The following CYP20A1 variants were observed in gnomAD, a reference collection of about 807,000 sequenced individuals.
The protein encoded by CYP20A1 is cytochrome P450 family 20 subfamily A member 1, also known as cytochrome P450 20A1.
A neutral mutation model predicts 61.4 loss-of-function variants in CYP20A1; 61 were observed. The observed-to-expected ratio is 0.99, with a 90% CI of 0.81 to 1.23. CYP20A1 has a LOEUF of 1.23. Ranked by LOEUF, CYP20A1 falls within the 50% of genes most tolerant of loss-of-function variation. CYP20A1 has a pLI of 0.00. For synonymous variants in CYP20A1, 193 were observed against 188.2 expected, an observed-to-expected ratio of 1.03 and a Z score of -0.21; for missense variants, 530 against 542.4, an observed-to-expected ratio of 0.98 and a Z score of 0.23.
intron 11 of CYP20A1, among the ~76,000 whole-genome samples, chr2:203,294,740 T>C (rs1195429694): frequency 6.6e-6 from 1 of 150,392 alleles, no homozygotes; most frequent in Non-Finnish European, 1.5e-5. Flanking sequence ...GTTCAAGCGA[T>C]TCTCCTGCCT....
chr2:203,272,916 C>T (rs939203211), intron 6 of CYP20A1, among the ~76,000 whole-genome samples, 168 bp downstream of exon 6: 8 of 150,498 alleles, frequency 5.3e-5, no homozygotes, highest in East Asian at 3.9e-4. Flanking sequence ...GGTGCGATCT[C>T]GGCCACAGCA....
chr2:203,269,753 C>T (rs188569088), intron 5 of CYP20A1, among the ~76,000 whole-genome samples: 2 of 152,172 alleles, frequency 1.3e-5, no homozygotes, highest in Admixed American at 1.3e-4. Context: ...CTCGGCCTCC[C>T]AAAGTGCTGG....
rs1257109635 is a variant in CYP20A1, at chr2:203,276,713, G to GTGTT, written c.680-1857_680-1854dup. ...ATTTGGGGGAAAGCTCAAGAGTTCAGTGTTTGGTATGCTTCAGACAACCAA... is the reference window on the plus strand; with the variant it reads ...ATTTGGGGGAAAGCTCAAGAGTTCAGTGTTTGTTTGGTATGCTTCAGACAACCAA... On this transcript the variant is annotated intron_variant, in intron 6 of 12. Coordinates refer to ENST00000356079, the MANE Select transcript of CYP20A1 (RefSeq NM_177538.3). Among the ~76,000 whole-genome samples the GTGTT allele has an allele frequency of 2.0e-5, 3 of 152,268 alleles. No individual in the cohort carries two copies. The Middle Eastern group carries it at 0.01, about 518-fold the overall frequency.
At chr2:203,254,866 C>T (rs2066836713) in intron 4 of CYP20A1, among the ~76,000 whole-genome samples, 1 of 151,920 alleles carries the variant, frequency 6.6e-6, no homozygotes. Flanking sequence ...TGGCACGTGT[C>T]TGTAGTCCCA....
In CYP20A1 at chr2:203,303,063, C is replaced by T. The variant is rs1182533848; in HGVS notation, c.*6155C>T. On this transcript the variant is annotated 3_prime_UTR_variant, in exon 13 of 13. Transcript: ENST00000356079. ...TCACCCAGGCTGGAGTGTGGTGGCACGATCTTGGCTCACTGCAACCCCTGC... is the reference window on the plus strand; with the variant it reads ...TCACCCAGGCTGGAGTGTGGTGGCATGATCTTGGCTCACTGCAACCCCTGC... 7.0e-6 allele frequency among the ~76,000 whole-genome samples: 1 copy of T among 142,896 alleles called. No homozygotes were observed. The highest frequency in any genetic ancestry group is 1.5e-5 in the Non-Finnish European group (1 of 65,094). The allele number at this position is 142,896 out of a possible 152,430, so 93.7% of individuals were successfully genotyped here. A position where few individuals can be genotyped will look rare whatever the true frequency, so the allele number is the denominator to read the frequency against.
At chr2:203,272,551 A>AAAT in intron 5 of CYP20A1, 119 bp from the exon 6 acceptor site, 1 of 71,396 alleles carries the variant, frequency 1.4e-5, no homozygotes, top group Non-Finnish European at 1.9e-5. Flanking sequence ...ACCCTGACTC[A>AAAT]AAAAAAAAAA....
intron 8 of CYP20A1, among the ~76,000 whole-genome samples, chr2:203,284,094 G>T (rs539044312): frequency 9.2e-5 from 14 of 152,188 alleles, no homozygotes; most frequent in Non-Finnish European, 1.8e-4. Flanking sequence ...CATGTTTTTT[G>T]TGAACTCTAG....
chr2:203,283,299 C>CTCCA (rs2068121337), intron 8 of CYP20A1, among the ~76,000 whole-genome samples: 1 of 149,006 alleles, frequency 6.7e-6, no homozygotes, highest in Admixed American at 6.8e-5. Context: ...TCACTGCAAC[C>CTCCA]TCCACCTCCC....
At position 203,280,180 on chromosome 2, in the gene CYP20A1, A is replaced by G. The variant is rs2067985482; in HGVS notation, c.850+67A>G. 5.5e-6 allele frequency: 7 copies of G among 1,267,434 alleles called. No homozygotes were observed. The Admixed American group carries it at 1.5e-4, about 28-fold the overall frequency. 78.5% of individuals were successfully genotyped at this position (1,267,434 alleles called of 1,614,324 possible). A position where few individuals can be genotyped will look rare whatever the true frequency, so the allele number is the denominator to read the frequency against. ...ATATAGGCTGAGCACAGTGGCTCAC[A>G]CCTGTAATCCCAACACTTGGGGAGG... On this transcript the variant is annotated intron_variant, in intron 8 of 12. Transcript: ENST00000356079.
At chr2:203,295,534 A>T (rs2068753149) in intron 11 of CYP20A1, among the ~76,000 whole-genome samples, 2 of 152,260 alleles carry the variant, frequency 1.3e-5, no homozygotes, top group Non-Finnish European at 2.9e-5. Flanking sequence ...AAATTTATTT[A>T]AAAATTCATT....
At chr2:203,288,461 C>G (rs2068393334) in intron 9 of CYP20A1, among the ~76,000 whole-genome samples, 1 of 152,048 alleles carries the variant, frequency 6.6e-6, no homozygotes, top group Non-Finnish European at 1.5e-5. Context: ...ATAACATGTG[C>G]TATACTTAAT....
At chr2:203,245,240 A>T (rs2066420340) in intron 1 of CYP20A1, among the ~76,000 whole-genome samples, 1 of 151,198 alleles carries the variant, frequency 6.6e-6, no homozygotes, top group Non-Finnish European at 1.5e-5. Context: ...GTTAGCCAGG[A>T]TGGTCTTGAT....
intron 5 of CYP20A1, among the ~76,000 whole-genome samples, chr2:203,267,509 T>C (rs1442526187): frequency 7.0e-6 from 1 of 143,678 alleles, no homozygotes; most frequent in African/African-American, 2.6e-5. Flanking sequence ...ACTTCAGCTC[T>C]GGGTGATGGA....
At position 203,302,987 on chromosome 2, in the gene CYP20A1, G is replaced by A. The variant is rs763247077; in HGVS notation, c.*6079G>A. Among the ~76,000 whole-genome samples the A allele has an allele frequency of 5.3e-5, 8 of 151,328 alleles. No homozygotes were observed. Among genetic ancestry groups the A allele is most frequent in the Non-Finnish European group, 7.4e-5 (5 of 67,864 alleles). On this transcript the variant is annotated 3_prime_UTR_variant, in exon 13 of 13. Transcript: ENST00000356079. ...ATTACAAGCATGAGCCACCGCGCTC[G>A]GTCCCTTTCTTTTTATTTATTTATT...
chr2:203,281,892 C>G (rs1004688563), intron 8 of CYP20A1, among the ~76,000 whole-genome samples: 1 of 152,114 alleles, frequency 6.6e-6, no homozygotes, highest in Non-Finnish European at 1.5e-5. Flanking sequence ...TTATATCCCT[C>G]AATGTTTAAG....
chr2:203,304,804 C>T lies in CYP20A1; in HGVS notation c.*7896C>T, dbSNP rs7577078. Among the ~76,000 whole-genome samples the T allele has an allele frequency of 0.89, 135,705 of 152,016 alleles. 61,454 individuals carry two copies. Among genetic ancestry groups the T allele is most frequent in the Non-Finnish European group, 0.96 (65,510 of 68,016 alleles). ...TACAAAAATTAGCCAGGTGTGCTGG[C>T]GCACACCTGTAGTCCCAACTACTCA... On this transcript the variant is annotated 3_prime_UTR_variant, in exon 13 of 13. Coordinates refer to ENST00000356079, the MANE Select transcript of CYP20A1 (RefSeq NM_177538.3).
intron 5 of CYP20A1, among the ~76,000 whole-genome samples, chr2:203,269,976 G>A (rs1466237356): frequency 6.6e-6 from 1 of 151,948 alleles, no homozygotes; most frequent in African/African-American, 2.4e-5. Context: ...TTTTGCCTTG[G>A]TGCAGTGGTT....
chr2:203,289,987 CTGGAGTGCAA>C, intron 10 of CYP20A1, 111 bp downstream of exon 10: 1 of 409,468 alleles, frequency 2.4e-6, no homozygotes, highest in Non-Finnish European at 4.3e-6. Context: ...GTCACCCAGG[CTGGAGTGCAA>C]TGGCGCGATC....
In CYP20A1 at chr2:203,305,289, C is replaced by G. The variant is rs1182450376; in HGVS notation, c.*8381C>G. On this transcript the variant is annotated 3_prime_UTR_variant, in exon 13 of 13. Coordinates refer to ENST00000356079, the MANE Select transcript of CYP20A1 (RefSeq NM_177538.3). ...AATCTCAGCTCACTGCAACCTCCCC[C>G]TCTCAGGTTCAAGTAATTCTCCTGC... Among the ~76,000 whole-genome samples, 3 of 148,596 alleles carry G rather than the reference C, an allele frequency of 2.0e-5. No homozygotes were observed. The highest frequency in any genetic ancestry group is 3.0e-5 in the Non-Finnish European group (2 of 67,588).
Sources: allele counts gnomAD v4.1 joint callset (sites outside exome capture counted in the v4.1 genomes callset), GRCh38; gene constraint gnomAD v4.1.1; transcripts MANE v1.5; gene names NCBI Gene and HGNC (gene_info 2026-07-23, HGNC 2026-07-21).